ZNF518A: variants seen among roughly 807,000 people sequenced by gnomAD.
The protein encoded by ZNF518A is zinc finger protein 518A.
A neutral mutation model predicts 102.7 loss-of-function variants in ZNF518A; 47 were observed. That is an observed-to-expected ratio of 0.46 (90% CI 0.36 to 0.58). The LOEUF is 0.58. ZNF518A is among the 20% of genes least tolerant of loss of function. The probability of loss-of-function intolerance (pLI) is 0.00; values close to 1 mark genes in which losing one functional copy is unlikely to be tolerated. For synonymous variants in ZNF518A, 652 were observed against 594.6 expected (o/e 1.10, Z -1.40); for missense variants, 1,793 against 1,699.8 (o/e 1.05, Z -0.96).
rs1591232612 is a variant in ZNF518A, at chr10:96,158,022, C to T, written c.1700C>T (p.Thr567Ile). 6.2e-7 allele frequency: 1 copy of T among 1,613,708 alleles called. No homozygotes were observed. The highest frequency in any genetic ancestry group is 8.5e-7 in the Non-Finnish European group (1 of 1,179,768). The part of the protein sequence containing the change: ...SELVTASVNL[T>I]TKFETRDNVD... ...TTGGTTACAGCATCAGTGAATTTGA[C>T]CACAAAATTTGAAACAAGAGATAAT... The change falls in exon 6 of 6, where the codon ACC becomes ATC. Residue 567 changes from threonine to isoleucine, a missense_variant. By Grantham distance (89) the Thr-to-Ile change is moderately conservative (BLOSUM62 -1). This residue lies in a region of ZNF518A where 1,741 missense variants were observed against 1,622.6 expected (regional missense o/e 1.07). Transcript: ENST00000316045.
chr10:96,188,003 C>A (rs1554892796), intron 1 of ZNF518A, among the ~76,000 whole-genome samples: 1 of 152,176 alleles, frequency 6.6e-6, no homozygotes, highest in Admixed American at 6.5e-5. Context: ...CGAGTGCCAC[C>A]ATGCCCAGTT....
At chr10:96,181,748 G>A (rs1554892048) in intron 1 of ZNF518A, among the ~76,000 whole-genome samples, 1 of 152,188 alleles carries the variant, frequency 6.6e-6, no homozygotes, top group African/African-American at 2.4e-5. Context: ...TAGCCTTGTA[G>A]TATAGTTTGA....
chr10:96,137,994 C>T (rs143934406), intron 3 of ZNF518A, among the ~76,000 whole-genome samples: 2 of 152,026 alleles, frequency 1.3e-5, no homozygotes, highest in South Asian at 2.1e-4. Flanking sequence ...CCAATGCTGT[C>T]AGAACTTCTA....
chr10:96,185,237 T>C (rs1346696567), intron 1 of ZNF518A, among the ~76,000 whole-genome samples: 1 of 152,250 alleles, frequency 6.6e-6, no homozygotes, highest in Non-Finnish European at 1.5e-5. Context: ...TTCCTTGTGA[T>C]GGGTTTGAAC....
chr10:96,158,226 G>T lies in ZNF518A; in HGVS notation c.1904G>T (p.Gly635Val). The T allele has an allele frequency of 1.2e-6, 2 of 1,613,604 alleles. No homozygotes were observed. The highest frequency in any genetic ancestry group is 1.1e-5 in the South Asian group (1 of 91,070). Residue 635 changes from glycine (G) to valine (V), a missense_variant, in exon 6 of 6, where the codon GGA becomes GTA. By Grantham distance (109) the Gly-to-Val change is moderately radical. This residue lies in a region of ZNF518A where 1,741 missense variants were observed against 1,622.6 expected (regional missense o/e 1.07). Transcript: ENST00000316045. ...TTACCTGTTGAATCCTCCAACCAAG[G>T]ATCATTACCTTTTCATAATTACTCA... is the stretch of plus-strand genomic sequence containing the variant. ...CELPVESSNQ[G>V]SLPFHNYSKV...
chr10:96,159,110 A>G lies in ZNF518A; in HGVS notation c.2788A>G (p.Ile930Val), dbSNP rs200646742. 7.7e-5 allele frequency: 124 copies of G among 1,611,466 alleles called. No individual in the cohort carries two copies. Among genetic ancestry groups the G allele is most frequent in the Middle Eastern group, 1.7e-4 (1 of 6,044 alleles). ...PLLNSEQKKT[I>V]IVQTSKGFLI... The stretch of plus-strand genomic sequence containing the variant: ...TTTAAATTCAGAACAAAAAAAAACT[A>G]TAATTGTTCAGACTTCAAAAGGATT... The change falls in exon 6 of 6, where the codon ATA becomes GTA. Residue 930 changes from isoleucine (I) to valine (V), a missense_variant. Ile to Val is a conservative substitution (Grantham distance 29). Transcript: ENST00000316045.
chr10:96,181,256 G>A (rs1554892001), intron 1 of ZNF518A, among the ~76,000 whole-genome samples: 2 of 152,102 alleles, frequency 1.3e-5, no homozygotes, highest in African/African-American at 4.8e-5. Flanking sequence ...CCCTTTGTCA[G>A]ATGGATAGAT....
At chr10:96,205,193 G>A, downstream of ZNF518A, 1 of 157,462 alleles carries the variant, frequency 6.4e-6, no homozygotes, top group East Asian at 1.8e-4. Flanking sequence ...GGAAAGGGTG[G>A]GAAATGAGCA....
Position 96,159,548 on chromosome 10 carries a change from T to C in ZNF518A, c.3226T>C (p.Leu1076=), listed in dbSNP as rs782737470. The change falls in exon 6 of 6, where the codon TTG becomes CTG. Residue 1076 remains leucine, a synonymous_variant. Transcript: ENST00000316045. Reference sequence around the variant, plus strand: ...GCTATCTGAGCAACAGAGCACTAAGTTGAATATCTCCGATTCAGTAAAACA... The same window carrying C: ...GCTATCTGAGCAACAGAGCACTAAGCTGAATATCTCCGATTCAGTAAAACA... ...NMLSEQQSTK[L]NISDSVKQQN... The C allele has an allele frequency of 2.2e-5, 36 of 1,613,908 alleles. No homozygotes were observed. In the South Asian group the frequency reaches 3.5e-4, roughly 16 times the overall value.
Position 96,204,041 on chromosome 10 carries a change from G to A in ZNF518A, n.212G>A. The A allele has an allele frequency of 6.2e-7, 1 of 1,609,368 alleles. No individual in the cohort carries two copies. Among genetic ancestry groups the A allele is most frequent in the Non-Finnish European group, 8.5e-7 (1 of 1,175,744 alleles). On this transcript the variant is annotated non_coding_transcript_exon_variant, in exon 3 of 3. Coordinates refer to the ZNF518A transcript ENST00000442635. ...CGACCACTCCCTGATACACTACATG[G>A]CTTCGTTGTACTTACTTGGCAGAGG...
Position 96,160,538 on chromosome 10 carries a change from A to T in ZNF518A, c.4216A>T (p.Arg1406Trp). The T allele has an allele frequency of 4.3e-6, 7 of 1,612,182 alleles. No homozygotes were observed. Among genetic ancestry groups the T allele is most frequent in the Non-Finnish European group, 5.1e-6 (6 of 1,179,278 alleles). The change falls in exon 6 of 6, where the codon AGG (arginine) becomes TGG (tryptophan). Residue 1406 changes from arginine to tryptophan, a missense_variant. Coordinates refer to ENST00000316045, the MANE Select transcript of ZNF518A (RefSeq NM_001330736.2). The part of the protein sequence containing the change: ...PKTTYDDFSK[R>W]HKTFKPVSSV... Reference sequence around the variant, plus strand: ...AACAACTTATGATGATTTTTCCAAGAGGCACAAAACATTTAAACCTGTTAG... The same window carrying T: ...AACAACTTATGATGATTTTTCCAAGTGGCACAAAACATTTAAACCTGTTAG...
chr10:96,143,036 A>G lies in ZNF518A; in HGVS notation c.-302+9388A>G, dbSNP rs587772283. ...TTGGCCAGGCTGTTCTTGAACTCCT[A>G]ACCTCAGGTGATCCGCCCGCTTTGG... On this transcript the variant is annotated intron_variant, in intron 3 of 5. Coordinates refer to ENST00000316045, the MANE Select transcript of ZNF518A (RefSeq NM_001330736.2). Among the ~76,000 whole-genome samples the G allele has an allele frequency of 3.3e-5, 5 of 152,112 alleles. No homozygotes were observed. The South Asian group carries it at 1.0e-3, about 32-fold the overall frequency.
At chr10:96,149,983 C>G (rs1202051546) in intron 3 of ZNF518A, among the ~76,000 whole-genome samples, 2 of 151,960 alleles carry the variant, frequency 1.3e-5, no homozygotes, top group African/African-American at 4.8e-5. Context: ...ATAAATGTTA[C>G]TCCATTGTCT....
intron 1 of ZNF518A, among the ~76,000 whole-genome samples, chr10:96,183,175 TA>T (rs2133894491): frequency 6.6e-6 from 1 of 152,344 alleles, no homozygotes; most frequent in South Asian, 2.1e-4. Flanking sequence ...ATATCCCCTT[TA>T]TCATTTTTTA....
At chr10:96,202,698 G>A (rs2133957356) in intron 1 of ZNF518A, among the ~76,000 whole-genome samples, 1 of 152,304 alleles carries the variant, frequency 6.6e-6, no homozygotes, top group Non-Finnish European at 1.5e-5. Flanking sequence ...AGCACTCCCA[G>A]GTGAGAGCAG....
At chr10:96,189,301 T>C (rs2083293861) in intron 1 of ZNF518A, 2 of 464,426 alleles carry the variant, frequency 4.3e-6, no homozygotes, top group Admixed American at 5.6e-5. Flanking sequence ...AGCCAGATAT[T>C]GACTGTTAGA....
At chr10:96,174,642 G>A (rs1463811326) in intron 1 of ZNF518A, among the ~76,000 whole-genome samples, 1 of 152,100 alleles carries the variant, frequency 6.6e-6, no homozygotes, top group Non-Finnish European at 1.5e-5. Flanking sequence ...AGAAACCTAT[G>A]ACGAGTAAGG....
Position 96,162,789 on chromosome 10 carries a change from A to G in ZNF518A, c.*2015A>G, listed in dbSNP as rs879992349. ...TGATGGAAATTTTGTTCTCTAGGAA[A>G]TACAGATTTTAAAGTGTATGTGTTT... On this transcript the variant is annotated 3_prime_UTR_variant, in exon 6 of 6. Coordinates refer to ENST00000316045, the MANE Select transcript of ZNF518A (RefSeq NM_001330736.2). The G allele has an allele frequency of 1.8e-5, 3 of 166,628 alleles. No homozygotes were observed. The highest frequency in any genetic ancestry group is 4.1e-4 in the South Asian group (2 of 4,836). The allele number at this position is 166,628 out of a possible 1,614,324, so 10.3% of individuals were successfully genotyped here. A position where few individuals can be genotyped will look rare whatever the true frequency, so the allele number is the denominator to read the frequency against.
At chr10:96,163,818 C>T (rs2083088098), downstream of ZNF518A, 1 of 166,614 alleles carries the variant, frequency 6.0e-6, no homozygotes, top group Non-Finnish European at 1.5e-5. Flanking sequence ...GCTTGAATTC[C>T]CTAGAGTCTG....
Sources: gnomAD v4.1 joint callset for allele counts (sites outside exome capture counted in the v4.1 genomes callset) on GRCh38, gnomAD v4.1.1 for gene constraint, gnomAD v4.1.1 regional missense constraint, MANE v1.5 for transcripts, NCBI Gene and HGNC (gene_info 2026-07-23, HGNC 2026-07-21) for gene names.